DLGAP1: variants seen among roughly 807,000 people sequenced by gnomAD.
The protein encoded by DLGAP1 is disks large-associated protein 1.
A neutral mutation model predicts 90.8 loss-of-function variants in DLGAP1; 11 were observed. The observed-to-expected ratio is 0.12, with a 90% CI of 0.08 to 0.20. DLGAP1 has a LOEUF of 0.20. Ranked by LOEUF, DLGAP1 falls within the 10% of genes least tolerant of loss-of-function variation. The pLI is 1.00. For missense variants in DLGAP1, 1,050 were observed against 1,333.8 expected (o/e 0.79, Z 3.31); for synonymous variants, 558 against 540.7 (o/e 1.03, Z -0.44).
chr18:3,786,865 G>T (rs972437459), intron 5 of DLGAP1, among the ~76,000 whole-genome samples: 2 of 152,094 alleles, frequency 1.3e-5, no homozygotes, highest in Non-Finnish European at 2.9e-5. Context: ...ACGAACTCTG[G>T]CTTCTAGCTC....
chr18:3,734,461 T>A (rs1029297817), intron 6 of DLGAP1, among the ~76,000 whole-genome samples: 1 of 136,310 alleles, frequency 7.3e-6, no homozygotes, highest in Admixed American at 7.0e-5. Flanking sequence ...TTCTAGTTCC[T>A]TTTTTTTTAG....
Position 4,454,111 on chromosome 18 carries a change from G to A in DLGAP1, c.-267+895C>T, listed in dbSNP as rs2083906295. Among the ~76,000 whole-genome samples, 1 of 152,216 alleles carries A rather than the reference G, an allele frequency of 6.6e-6. No homozygotes were observed. Among genetic ancestry groups the A allele is most frequent in the Admixed American group, 6.5e-5 (1 of 15,288 alleles). ...ACGGCCTCCCGGTGCCACCCAGCGA[G>A]GCCGGGACAGCGCGCCTTCCGCAAA... On this transcript the variant is annotated intron_variant, in intron 1 of 12. Coordinates refer to ENST00000315677, the MANE Select transcript of DLGAP1 (RefSeq NM_004746.4). The surrounding 1 kb of genome is among the most constrained non-coding windows in gnomAD (Gnocchi z 4.7).
rs376572609 is a variant in DLGAP1 at position 4,045,601 on chromosome 18, TCAAA to T, written c.-158-40404_-158-40401del. On this transcript the variant is annotated intron_variant, in intron 2 of 12. Coordinates refer to ENST00000315677, the MANE Select transcript of DLGAP1 (RefSeq NM_004746.4). ...TGGGTAACAGAGCAAGACCCTGGTC[TCAAA>T]CAAACAAACAAACAAAAAAACCCAA... is the stretch of plus-strand genomic sequence containing the variant. 4.0e-4 allele frequency among the ~76,000 whole-genome samples: 60 copies of T among 151,478 alleles called. No individual in the cohort carries two copies. The Middle Eastern group carries it at 0.01, about 26-fold the overall frequency.
At chr18:4,162,058 T>A (rs1435415486) in intron 1 of DLGAP1, among the ~76,000 whole-genome samples, 2 of 152,154 alleles carry the variant, frequency 1.3e-5, no homozygotes, top group African/African-American at 4.8e-5. Context: ...TACTGAGTGG[T>A]TACCTGTGCC....
chr18:4,033,240 G>A (rs976490290), intron 2 of DLGAP1, among the ~76,000 whole-genome samples: 1 of 151,418 alleles, frequency 6.6e-6, no homozygotes, highest in African/African-American at 2.4e-5. Context: ...TAAGGCTAAC[G>A]TGTCTCTTGA....
At chr18:3,909,002 A>G (rs2071974908) in intron 3 of DLGAP1, among the ~76,000 whole-genome samples, 2 of 152,218 alleles carry the variant, frequency 1.3e-5, no homozygotes, top group African/African-American at 4.8e-5. Flanking sequence ...TGCTGAAATC[A>G]GTAGAAACAA....
intron 9 of DLGAP1, among the ~76,000 whole-genome samples, chr18:3,543,356 G>T (rs895354037): frequency 2.0e-5 from 3 of 151,916 alleles, no homozygotes; most frequent in Admixed American, 2.0e-4. Context: ...ATTTTTAGAC[G>T]GGGTTTCACC....
At chr18:3,923,831 C>T (rs2072321341) in intron 3 of DLGAP1, among the ~76,000 whole-genome samples, 2 of 152,174 alleles carry the variant, frequency 1.3e-5, no homozygotes, top group African/African-American at 4.8e-5. Context: ...ATTGCTGATT[C>T]ACTTTTAGAA....
chr18:4,342,456 C>T lies in DLGAP1; in HGVS notation c.-267+112550G>A, dbSNP rs901629581. 2.0e-5 allele frequency among the ~76,000 whole-genome samples: 3 copies of T among 152,142 alleles called. No homozygotes were observed. Among genetic ancestry groups the T allele is most frequent in the African/African-American group, 7.2e-5 (3 of 41,444 alleles). ...CTAAATGGTTTTAAAACTCTGCTTT[C>T]TTTTAAATAAGAGCCATTTCTAACT... is the stretch of plus-strand genomic sequence containing the variant. On this transcript the variant is annotated intron_variant, in intron 1 of 12. Coordinates refer to ENST00000315677, the MANE Select transcript of DLGAP1 (RefSeq NM_004746.4). The surrounding 1 kb of genome is among the most constrained non-coding windows in gnomAD (Gnocchi z 5.8).
At chr18:4,355,327 T>C (rs1280219066) in intron 1 of DLGAP1, among the ~76,000 whole-genome samples, 1 of 152,230 alleles carries the variant, frequency 6.6e-6, no homozygotes, top group Non-Finnish European at 1.5e-5. Flanking sequence ...AAGGCAATTA[T>C]ACTGTGTGTT....
At chr18:4,095,565 G>A (rs904574143) in intron 2 of DLGAP1, among the ~76,000 whole-genome samples, 1 of 152,146 alleles carries the variant, frequency 6.6e-6, no homozygotes, top group African/African-American at 2.4e-5. Flanking sequence ...AGATGATCAA[G>A]TAAAGAAGAC....
intron 3 of DLGAP1, among the ~76,000 whole-genome samples, chr18:3,898,296 T>C (rs2071699820): frequency 6.6e-6 from 1 of 152,212 alleles, no homozygotes; most frequent in African/African-American, 2.4e-5. Context: ...CAGCAATATG[T>C]TCCAGAAAAT....
intron 1 of DLGAP1, among the ~76,000 whole-genome samples, chr18:4,397,267 T>C (rs1478714491): frequency 2.0e-5 from 3 of 152,342 alleles, no homozygotes; most frequent in East Asian, 1.9e-4. Context: ...GACTTAACTA[T>C]GTCATTAGAA....
Position 3,522,879 on chromosome 18 carries a change from T to A in DLGAP1, c.2479+11315A>T, listed in dbSNP as rs78775205. Among the ~76,000 whole-genome samples, 172 of 152,132 alleles carry A rather than the reference T, an allele frequency of 1.1e-3. 5 individuals carry two copies. In the East Asian group the frequency reaches 0.03, roughly 26 times the overall value. ...ATTTTTGACAAGGGCACCAAGAGGA[T>A]ACAATGGGAAAAGGATAGCCTAAGT... is the stretch of plus-strand genomic sequence containing the variant. On this transcript the variant is annotated intron_variant, in intron 10 of 12. Transcript: ENST00000315677.
chr18:4,262,109 G>C (rs941165213), intron 1 of DLGAP1, among the ~76,000 whole-genome samples: 6 of 152,108 alleles, frequency 3.9e-5, no homozygotes, highest in Non-Finnish European at 7.4e-5. Context: ...CATTTCAAAG[G>C]TGAAGGAGAT....
At chr18:4,107,655 T>C (rs1330627536) in intron 2 of DLGAP1, among the ~76,000 whole-genome samples, 2 of 152,262 alleles carry the variant, frequency 1.3e-5, no homozygotes, top group South Asian at 2.1e-4. Context: ...GAGTGATGTG[T>C]AAATTATTTC....
intron 2 of DLGAP1, among the ~76,000 whole-genome samples, chr18:4,129,473 G>A (rs952490491): frequency 6.6e-6 from 1 of 152,084 alleles, no homozygotes; most frequent in South Asian, 2.1e-4. Context: ...GGAGAGGGTG[G>A]GAAATCGTGG....
At chr18:4,093,990 T>G (rs2143787441) in intron 2 of DLGAP1, among the ~76,000 whole-genome samples, 1 of 152,346 alleles carries the variant, frequency 6.6e-6, no homozygotes, top group Non-Finnish European at 1.5e-5. Flanking sequence ...TTTAAATTTT[T>G]TAAGAGCACA....
intron 1 of DLGAP1, among the ~76,000 whole-genome samples, chr18:4,423,556 T>A (rs2083087255): frequency 6.6e-6 from 1 of 151,838 alleles, no homozygotes; most frequent in South Asian, 2.1e-4. Flanking sequence ...TTATAAATAA[T>A]CTAAAAGAAA....
Sources: gnomAD v4.1 joint callset for allele counts (sites outside exome capture counted in the v4.1 genomes callset) on GRCh38, gnomAD v4.1.1 for gene constraint, Gnocchi (gnomAD v3.1) non-coding constraint, MANE v1.5 for transcripts, NCBI Gene and HGNC (gene_info 2026-07-23, HGNC 2026-07-21) for gene names.